The following TRAPPC9 variants were observed in gnomAD, a reference collection of about 807,000 sequenced individuals.
TRAPPC9 encodes IKK2 binding protein.
In TRAPPC9, 83 loss-of-function variants were observed where a neutral mutation model predicts 124.0. That is an observed-to-expected ratio of 0.67 (90% CI 0.56 to 0.80). The LOEUF is 0.80. Among genes scored for constraint, TRAPPC9 ranks in the 30% least tolerant of loss-of-function variants. The pLI is 0.00. For synonymous variants in TRAPPC9, 638 were observed against 617.5 expected (o/e 1.03, Z -0.49); for missense variants, 1,302 against 1,508.3 (o/e 0.86, Z 2.27).
chr8:139,959,868 C>T (rs574437227), intron 19 of TRAPPC9, among the ~76,000 whole-genome samples: 3 of 152,330 alleles, frequency 2.0e-5, no homozygotes, highest in East Asian at 1.9e-4. Context: ...GCCACCCTGG[C>T]CACTGGCTCA....
chr8:140,232,429 TTCTC>T (rs34218056), intron 16 of TRAPPC9, among the ~76,000 whole-genome samples: 57,886 of 151,622 alleles, frequency 0.38, 14,107 homozygotes, highest in Non-Finnish European at 0.54. Context: ...TTTTGTCCTT[TTCTC>T]TCTCTATTAC....
intron 21 of TRAPPC9, among the ~76,000 whole-genome samples, chr8:139,760,096 AGT>A (rs1340680066): frequency 1.3e-5 from 2 of 152,110 alleles, no homozygotes; most frequent in South Asian, 4.1e-4. Context: ...GTGTGTTGTG[AGT>A]GTGTGAGTGT....
intron 16 of TRAPPC9, among the ~76,000 whole-genome samples, chr8:140,223,022 C>A (rs1332696658): frequency 6.6e-6 from 1 of 152,160 alleles, no homozygotes; most frequent in Non-Finnish European, 1.5e-5. Flanking sequence ...TTTATTCTTT[C>A]TTTTTAAGTT....
At chr8:139,893,129 G>A (rs1249548311) in intron 20 of TRAPPC9, among the ~76,000 whole-genome samples, 2 of 152,232 alleles carry the variant, frequency 1.3e-5, no homozygotes, top group Non-Finnish European at 2.9e-5. Flanking sequence ...CGTAGCCCTG[G>A]TGAGGGGCTC....
Position 140,015,353 on chromosome 8 carries a change from C to A in TRAPPC9, c.2699+8584G>T, listed in dbSNP as rs115304486. ...TCTCTGGGGATGCATATAACTCTAA[C>A]ATGGCGTGATGCCAGAGTACAAATC... On this transcript the variant is annotated intron_variant, in intron 18 of 22. Coordinates refer to ENST00000438773, the MANE Select transcript of TRAPPC9 (RefSeq NM_001160372.4). Among the ~76,000 whole-genome samples the A allele has an allele frequency of 1.0e-3, 158 of 152,334 alleles. 1 individual carries two copies. The highest frequency in any genetic ancestry group is 3.2e-3 in the African/African-American group (134 of 41,576).
rs1321547100 is a variant in TRAPPC9, at chr8:140,380,095, C to G, written c.1135-8915G>C. ...TTTGGAGAAATTGACAAGCTTATGC[C>G]AAAATTCACATAGAAGTACAAGGAA... On this transcript the variant is annotated intron_variant, in intron 7 of 22. Transcript: ENST00000438773. Among the ~76,000 whole-genome samples the G allele has an allele frequency of 2.6e-5, 4 of 152,132 alleles. No individual in the cohort carries two copies. The East Asian group carries it at 7.7e-4, about 29-fold the overall frequency.
At chr8:140,223,656 C>T (rs892697352) in intron 16 of TRAPPC9, among the ~76,000 whole-genome samples, 3 of 151,880 alleles carry the variant, frequency 2.0e-5, no homozygotes, top group East Asian at 3.9e-4. Flanking sequence ...TCCAAATTCG[C>T]AATAACTTAG....
At chr8:140,280,006 G>A (rs759775633) in intron 14 of TRAPPC9, among the ~76,000 whole-genome samples, 42 of 152,318 alleles carry the variant, frequency 2.8e-4, no homozygotes, top group Middle Eastern at 3.4e-3. Context: ...ATGGAGCCAC[G>A]ATCTCCTTTA....
chr8:140,290,973 A>G lies in TRAPPC9; in HGVS notation c.1854+20T>C, dbSNP rs766080488. On this transcript the variant is annotated intron_variant, in intron 12 of 22. Transcript: ENST00000438773. ...GTTTGTATGTTAGCCCAAAAAGGTC[A>G]AATGATTGGTGATACATACCATGTT... 6.2e-7 allele frequency: 1 copy of G among 1,610,164 alleles called. No individual in the cohort carries two copies. Among genetic ancestry groups the G allele is most frequent in the Non-Finnish European group, 8.5e-7 (1 of 1,176,318 alleles).
chr8:139,869,735 A>G (rs1278809175), intron 21 of TRAPPC9, among the ~76,000 whole-genome samples: 2 of 152,270 alleles, frequency 1.3e-5, no homozygotes, highest in East Asian at 3.8e-4. Flanking sequence ...TAATACCATT[A>G]TATTAGAAAG....
intron 12 of TRAPPC9, among the ~76,000 whole-genome samples, chr8:140,289,171 T>G (rs1187580644): frequency 7.7e-6 from 1 of 130,374 alleles, no homozygotes; most frequent in Non-Finnish European, 1.6e-5. Context: ...TAGATATATA[T>G]ATAGTGTGTG....
intron 19 of TRAPPC9, among the ~76,000 whole-genome samples, chr8:139,968,878 C>G (rs778428198): frequency 6.6e-6 from 1 of 152,226 alleles, no homozygotes; most frequent in Admixed American, 6.5e-5. Flanking sequence ...AGGAAGGACT[C>G]TAACCCCCGT....
intron 21 of TRAPPC9, among the ~76,000 whole-genome samples, chr8:139,794,568 A>C (rs1822918239): frequency 6.6e-6 from 1 of 152,200 alleles, no homozygotes; most frequent in Non-Finnish European, 1.5e-5. Flanking sequence ...GGACACACTT[A>C]GGGAAAGCCA....
intron 17 of TRAPPC9, among the ~76,000 whole-genome samples, chr8:140,177,583 C>T (rs545113373): frequency 1.3e-5 from 2 of 152,006 alleles, no homozygotes; most frequent in South Asian, 2.1e-4. Context: ...TTCCTACATA[C>T]GTCATACAAA....
At chr8:139,821,821 C>T (rs191254843) in intron 21 of TRAPPC9, among the ~76,000 whole-genome samples, 1 of 152,188 alleles carries the variant, frequency 6.6e-6, no homozygotes, top group Non-Finnish European at 1.5e-5. Context: ...CCAACAGATT[C>T]GTGTGCCATA....
chr8:140,191,079 C>T (rs1338091246), intron 17 of TRAPPC9, among the ~76,000 whole-genome samples: 2 of 152,164 alleles, frequency 1.3e-5, no homozygotes, highest in African/African-American at 4.8e-5. Context: ...CTCTACAATG[C>T]TCAGCATCTG....
intron 17 of TRAPPC9, among the ~76,000 whole-genome samples, chr8:140,081,377 ACT>A (rs1843810666): frequency 7.5e-6 from 1 of 134,132 alleles, no homozygotes; most frequent in African/African-American, 2.7e-5. Flanking sequence ...ACAGAGTCTC[ACT>A]CTGTTGCCCA....
rs1370680156 is a variant in TRAPPC9 at position 139,984,426 on chromosome 8, T to C, written c.2810+4300A>G. On this transcript the variant is annotated intron_variant, in intron 19 of 22. Transcript: ENST00000438773. This position sits in a 1 kb window ranked among gnomAD's most constrained non-coding sequence, Gnocchi z 4.3. Reference sequence around the variant, plus strand: ...GGGCAGATCGCAGGCAAAAGAAGCTTCTTTAGGTTTAGCACAGCCTGGGGG... The same window carrying C: ...GGGCAGATCGCAGGCAAAAGAAGCTCCTTTAGGTTTAGCACAGCCTGGGGG... 6.6e-6 allele frequency among the ~76,000 whole-genome samples: 1 copy of C among 151,480 alleles called. No homozygotes were observed. Among genetic ancestry groups the C allele is most frequent in the Admixed American group, 6.6e-5 (1 of 15,240 alleles).
rs1216688729 is a variant in TRAPPC9, at chr8:140,252,855, C to T, written c.2353G>A (p.Val785Met). ...LAQFPLQPGK[V>M]ATFTINIKVK... is the part of the protein sequence containing the mutation. ...TTGATGTTGATTGTGAACGTGGCCA[C>T]CTTCCCAGGCTGCAAAGGGAACTGG... The change falls in exon 16 of 23, where the codon GTG becomes ATG. Residue 785 changes from valine (V) to methionine (M), a missense_variant. Physicochemically the swap from Val to Met is conservative, Grantham distance 21. Coordinates refer to ENST00000438773, the MANE Select transcript of TRAPPC9 (RefSeq NM_001160372.4). This position sits in a 1 kb window ranked among gnomAD's most constrained non-coding sequence, Gnocchi z 4.2. 2 of 1,614,014 alleles carry T rather than the reference C, an allele frequency of 1.2e-6. No homozygotes were observed. Among genetic ancestry groups the T allele is most frequent in the Non-Finnish European group, 1.7e-6 (2 of 1,180,036 alleles).
Sources: gnomAD v4.1 joint callset for allele counts (sites outside exome capture counted in the v4.1 genomes callset) on GRCh38, gnomAD v4.1.1 for gene constraint, Gnocchi (gnomAD v3.1) non-coding constraint, MANE v1.5 for transcripts, NCBI Gene and HGNC (gene_info 2026-07-23, HGNC 2026-07-21) for gene names.